MOB4: variants seen among roughly 807,000 people sequenced by gnomAD.
The protein encoded by MOB4 is MOB-like protein phocein.
MOB4 carries 4 observed loss-of-function variants against 32.2 expected under a neutral mutation model. That is an observed-to-expected ratio of 0.12 (90% CI 0.06 to 0.28). The LOEUF (loss-of-function observed/expected upper bound fraction) is 0.28, where lower values mean the gene tolerates loss of function less well. Ranked by LOEUF, MOB4 falls within the 10% of genes least tolerant of loss-of-function variation. The pLI is 1.00. For missense variants in MOB4, 158 were observed against 271.2 expected (o/e 0.58, Z 2.93); for synonymous variants, 88 against 88.1 (o/e 1.00, Z 0.01).
At chr2:197,535,899 C>CTTTTTTTTTTTTTTTTTTT (rs1319135434) in intron 3 of MOB4, among the ~76,000 whole-genome samples, 1 of 129,294 alleles carries the variant, frequency 7.7e-6, no homozygotes, top group African/African-American at 2.8e-5. Flanking sequence ...CTTTTCTTTT[C>CTTTTTTTTTTTTTTTTTTT]TTTTTTTTTT....
intron 2 of MOB4, among the ~76,000 whole-genome samples, chr2:197,525,978 C>T (rs966792428): frequency 7.9e-5 from 12 of 152,154 alleles, no homozygotes; most frequent in Admixed American, 1.3e-4. Context: ...TTTCTACATA[C>T]GAGACCCATG....
chr2:197,539,317 ATTTTTT>A (rs35362424), intron 3 of MOB4, among the ~76,000 whole-genome samples: 1 of 126,724 alleles, frequency 7.9e-6, no homozygotes, highest in African/African-American at 3.0e-5. Flanking sequence ...TTGTAATGTA[ATTTTTT>A]TTTTTTTTTT....
intron 6 of MOB4, among the ~76,000 whole-genome samples, chr2:197,549,917 A>G (rs1252700798): frequency 6.6e-6 from 1 of 152,092 alleles, no homozygotes. Context: ...TCTGTAAAAT[A>G]AAACAATAAT....
intron 1 of MOB4, among the ~76,000 whole-genome samples, chr2:197,519,302 G>A (rs2086473294): frequency 6.6e-6 from 1 of 152,202 alleles, no homozygotes; most frequent in Non-Finnish European, 1.5e-5. Context: ...TCACAGTTAT[G>A]AGAAGGCGAA....
At chr2:197,540,041 T>G (rs897873337) in intron 3 of MOB4, 70 bp from the exon 4 acceptor site, 2 of 1,510,116 alleles carry the variant, frequency 1.3e-6, no homozygotes, top group Non-Finnish European at 1.8e-6. Flanking sequence ...ATTCTCTTTT[T>G]GCAGCTAATA....
chr2:197,528,473 C>T (rs993726034), intron 2 of MOB4, among the ~76,000 whole-genome samples: 1 of 152,068 alleles, frequency 6.6e-6, no homozygotes, highest in East Asian at 1.9e-4. Context: ...AAAACCCCAT[C>T]GTTAATCATT....
intron 5 of MOB4, among the ~76,000 whole-genome samples, chr2:197,546,262 C>T (rs910594658): frequency 8.6e-5 from 13 of 152,018 alleles, no homozygotes; most frequent in Non-Finnish European, 1.3e-4. Flanking sequence ...GGGGTTTCAT[C>T]GTGTTAGCCA....
At chr2:197,543,631 A>C (rs2086938076) in intron 5 of MOB4, among the ~76,000 whole-genome samples, 1 of 152,264 alleles carries the variant, frequency 6.6e-6, no homozygotes, top group African/African-American at 2.4e-5. Context: ...ATACTGTAGC[A>C]TTCCACTTAT....
At chr2:197,530,277 A>AT (rs1051466031) in intron 2 of MOB4, among the ~76,000 whole-genome samples, 15 of 144,556 alleles carry the variant, frequency 1.0e-4, no homozygotes, top group South Asian at 2.2e-4. Context: ...CTCTATTTTT[A>AT]TTTTTTTTTG....
intron 3 of MOB4, among the ~76,000 whole-genome samples, chr2:197,536,850 C>T (rs1226067274): frequency 6.6e-6 from 1 of 151,998 alleles, no homozygotes; most frequent in East Asian, 1.9e-4. Flanking sequence ...CCCGCCTCAG[C>T]CTCCCAAAGT....
chr2:197,534,050 C>T, intron 2 of MOB4: 2 of 439,284 alleles, frequency 4.6e-6, no homozygotes, highest in Non-Finnish European at 8.8e-6. Flanking sequence ...AAAATGTCAC[C>T]ATCATCTGGA....
At chr2:197,539,077 G>C (rs1487095818) in intron 3 of MOB4, among the ~76,000 whole-genome samples, 1 of 151,544 alleles carries the variant, frequency 6.6e-6, no homozygotes, top group East Asian at 1.9e-4. Context: ...TTTGTCTTCT[G>C]ATTATATAGG....
chr2:197,544,944 A>T (rs1438240110), intron 5 of MOB4, among the ~76,000 whole-genome samples: 1 of 152,216 alleles, frequency 6.6e-6, no homozygotes, highest in Non-Finnish European at 1.5e-5. Context: ...CTAAACATTG[A>T]TGATGGGATT....
chr2:197,528,320 G>C (rs78130305), intron 2 of MOB4, among the ~76,000 whole-genome samples: 12,259 of 152,014 alleles, frequency 0.081, 636 homozygotes, highest in Middle Eastern at 0.14. Flanking sequence ...TTATATACTT[G>C]ATTACTAAAT....
upstream of MOB4, chr2:197,515,952 C>G: frequency 1.1e-6 from 1 of 904,480 alleles, no homozygotes; most frequent in Non-Finnish European, 1.7e-6. Context: ...CCGGACGGCT[C>G]CCGGCGCAGG....
chr2:197,535,797 G>A (rs2086786730), intron 3 of MOB4, among the ~76,000 whole-genome samples, 167 bp downstream of exon 3: 1 of 151,740 alleles, frequency 6.6e-6, no homozygotes, highest in Non-Finnish European at 1.5e-5. Flanking sequence ...TTCACTGGTT[G>A]TTTCCAGGTC....
At chr2:197,527,210 C>T (rs2086625541) in intron 2 of MOB4, among the ~76,000 whole-genome samples, 2 of 151,994 alleles carry the variant, frequency 1.3e-5, no homozygotes, top group Admixed American at 1.3e-4. Flanking sequence ...ATAGAGATTG[C>T]CTCGTATCTC....
At chr2:197,516,254 G>C in intron 1 of MOB4, 108 bp downstream of exon 1, 1 of 1,503,906 alleles carries the variant, frequency 6.6e-7, no homozygotes, top group Admixed American at 2.4e-5. Context: ...AGGCGGGCGG[G>C]CTGGGGCACT....
Position 197,550,608 on chromosome 2 carries a change from G to A in MOB4, c.640G>A (p.Glu214Lys). 2 of 1,604,880 alleles carry A rather than the reference G, an allele frequency of 1.2e-6. No individual in the cohort carries two copies. Among genetic ancestry groups the A allele is most frequent in the Non-Finnish European group, 1.7e-6 (2 of 1,177,800 alleles). Residue 214 changes from glutamate (E) to lysine (K), a missense_variant, in exon 8 of 8, where the codon GAA becomes AAA. Glu to Lys is a moderately conservative substitution (Grantham distance 56). Coordinates refer to ENST00000323303, the MANE Select transcript of MOB4 (RefSeq NM_015387.5). ...DNLIVPILEE[E>K]VQNSVSGESE... ...CCTGATTGTACCAATTTTAGAAGAGGAAGTACAGAATTCAGTTTCTGGGGA... is the reference window on the plus strand; with the variant it reads ...CCTGATTGTACCAATTTTAGAAGAGAAAGTACAGAATTCAGTTTCTGGGGA...
Sources: allele counts gnomAD v4.1 joint callset (sites outside exome capture counted in the v4.1 genomes callset), GRCh38; gene constraint gnomAD v4.1.1; transcripts MANE v1.5; gene names NCBI Gene and HGNC (gene_info 2026-07-23, HGNC 2026-07-21).